ANO1: variants seen among roughly 807,000 people sequenced by gnomAD.
ANO1 encodes the protein anoctamin 1, also known as anoctamin-1.
Under a neutral mutation model 124.0 loss-of-function variants are expected in ANO1, and 59 were observed. That is an observed-to-expected ratio of 0.48 (90% CI 0.39 to 0.59). ANO1 has a LOEUF of 0.59. Ranked by LOEUF, ANO1 falls within the 20% of genes least tolerant of loss-of-function variation. The probability of loss-of-function intolerance (pLI) is 0.00; values close to 1 mark genes in which losing one functional copy is unlikely to be tolerated. For synonymous variants in ANO1, 529 were observed against 532.0 expected, an observed-to-expected ratio of 0.99 and a Z score of 0.08; for missense variants, 1,059 against 1,328.0, an observed-to-expected ratio of 0.80 and a Z score of 3.15.
At chr11:70,112,156 T>C (rs557572426) in intron 7 of ANO1, among the ~76,000 whole-genome samples, 2 of 152,336 alleles carry the variant, frequency 1.3e-5, no homozygotes, top group African/African-American at 4.8e-5. Context: ...GCCAGCTTCC[T>C]GAGCTGAATC....
intron 1 of ANO1, among the ~76,000 whole-genome samples, chr11:70,019,913 A>G (rs1488609817): frequency 1.3e-5 from 2 of 152,218 alleles, no homozygotes; most frequent in Non-Finnish European, 2.9e-5. Flanking sequence ...AGCCAGCCCC[A>G]GGCTGAGGCC....
chr11:69,993,849 T>A (rs2120319150), intron 1 of ANO1, among the ~76,000 whole-genome samples: 1 of 152,342 alleles, frequency 6.6e-6, no homozygotes, highest in African/African-American at 2.4e-5. Flanking sequence ...CTGGCCTCAC[T>A]GGCCTTCCTA....
Position 70,103,383 on chromosome 11 carries a change from C to CACCCCAGACCAAGACCAGA in ANO1, c.540+219_540+220insACCCCAGACCAAGACCAGA, listed in dbSNP as rs2045356571. Among the ~76,000 whole-genome samples, 4 of 152,022 alleles carry CACCCCAGACCAAGACCAGA rather than the reference C, an allele frequency of 2.6e-5. No individual in the cohort carries two copies. The South Asian group carries it at 8.3e-4, about 32-fold the overall frequency. On this transcript the variant is annotated intron_variant, in intron 3 of 25. Transcript: ENST00000355303. ...TGAATATGACCCAACCCTGGGTGAT[C>CACCCCAGACCAAGACCAGA]TTTAGAGACCCCAGACCAAACCCCA...
rs528721868 is a variant in ANO1 at position 70,066,089 on chromosome 11, T to C, written c.59-12453T>C. Among the ~76,000 whole-genome samples the C allele has an allele frequency of 1.1e-4, 17 of 152,322 alleles. No homozygotes were observed. In the East Asian group the frequency reaches 3.3e-3, roughly 29 times the overall value. On this transcript the variant is annotated intron_variant, in intron 1 of 27. Coordinates refer to the ANO1 transcript ENST00000531349. Reference sequence around the variant, plus strand: ...GCAGGGACTTGTTTGCATTGTTTATTCCGTGACCCAGCCCCGGTTCTGTGT... The same window carrying C: ...GCAGGGACTTGTTTGCATTGTTTATCCCGTGACCCAGCCCCGGTTCTGTGT...
chr11:70,032,282 G>A (rs1026596542), intron 1 of ANO1, among the ~76,000 whole-genome samples: 5 of 152,180 alleles, frequency 3.3e-5, no homozygotes, highest in Non-Finnish European at 7.3e-5. Context: ...CGGACTGCAG[G>A]CCCAGGGCTG....
At chr11:70,100,150 C>T (rs868666353) in intron 2 of ANO1, among the ~76,000 whole-genome samples, 10 of 152,154 alleles carry the variant, frequency 6.6e-5, no homozygotes, top group African/African-American at 1.7e-4. Context: ...CTCCTGGGTC[C>T]GTGCTCCTGC....
intron 2 of ANO1, among the ~76,000 whole-genome samples, chr11:70,102,048 A>G (rs1047810899): frequency 3.9e-5 from 6 of 152,206 alleles, no homozygotes; most frequent in African/African-American, 1.4e-4. Flanking sequence ...ATGGGGAAAT[A>G]CGTTGTGGCT....
rs570844488 is a variant in ANO1 at position 70,126,169 on chromosome 11, C to T, written c.1071C>T (p.Cys357=). ...IVGIIVFLYG[C]ATMDENIPSM... is the part of the protein sequence containing the mutation. ...GAATCATTGTCTTCCTGTACGGATG[C>T]GCCACCATGGATGAAAACATCCCCA... Residue 357 remains cysteine, a synonymous_variant, in exon 10 of 26, where the codon TGC becomes TGT. Coordinates refer to ENST00000355303, the MANE Select transcript of ANO1 (RefSeq NM_018043.7). 5 of 1,613,164 alleles carry T rather than the reference C, an allele frequency of 3.1e-6. No homozygotes were observed. The highest frequency in any genetic ancestry group is 2.2e-5 in the East Asian group (1 of 44,838).
At chr11:70,032,781 G>A (rs958633389) in intron 1 of ANO1, among the ~76,000 whole-genome samples, 1 of 152,092 alleles carries the variant, frequency 6.6e-6, no homozygotes, top group Non-Finnish European at 1.5e-5. Flanking sequence ...GGAAGATGAT[G>A]CAGGTTCTTT....
Position 70,088,079 on chromosome 11 carries a change from G to C in ANO1, c.436G>C (p.Glu146Gln). The C allele has an allele frequency of 1.7e-6, 2 of 1,175,648 alleles. No homozygotes were observed. The highest frequency in any genetic ancestry group is 2.1e-6 in the Non-Finnish European group (2 of 932,848). 72.8% of individuals were successfully genotyped at this position (1,175,648 alleles called of 1,614,324 possible). A position where few individuals can be genotyped will look rare whatever the true frequency, so the allele number is the denominator to read the frequency against. The change falls in exon 2 of 26, where the codon GAG (glutamate) becomes CAG (glutamine). Residue 146 changes from glutamate to glutamine, a missense_variant. Physicochemically the swap from Glu to Gln is conservative, Grantham distance 29. Transcript: ENST00000355303. The stretch of plus-strand genomic sequence containing the variant: ...GGCGGGCCTGGAGCTGGAGCGGGAC[G>C]AGGACGTAACTATCTCACTGCGCGC... Reference protein sequence around the residue: ...LEAGLELERDEDTKIHGVGFV... With the variant: ...LEAGLELERDQDTKIHGVGFV...
chr11:70,062,141 A>G (rs1315260043), intron 1 of ANO1, among the ~76,000 whole-genome samples: 1 of 129,272 alleles, frequency 7.7e-6, no homozygotes, highest in Non-Finnish European at 1.5e-5. Context: ...CAATGGTGCA[A>G]TCTTGGCTCA....
At chr11:70,105,829 T>TG in intron 5 of ANO1, 41 bp downstream of exon 5, 1 of 1,597,080 alleles carries the variant, frequency 6.3e-7, no homozygotes, top group Non-Finnish European at 8.6e-7. Context: ...ACTGGCAAGA[T>TG]GGCCCTGGGG....
At chr11:70,051,283 A>G (rs1389557336) in intron 1 of ANO1, among the ~76,000 whole-genome samples, 2 of 152,238 alleles carry the variant, frequency 1.3e-5, no homozygotes, top group Non-Finnish European at 2.9e-5. Context: ...ATTCTTCAAC[A>G]TAGTTACATG....
chr11:70,156,373 C>A (rs138307578), intron 15 of ANO1, among the ~76,000 whole-genome samples: 83 of 152,346 alleles, frequency 5.4e-4, no homozygotes, highest in African/African-American at 1.9e-3. Context: ...AATCCACCCC[C>A]ATTTGAAACA....
intron 1 of ANO1, among the ~76,000 whole-genome samples, chr11:70,050,219 C>A (rs1402669676): frequency 6.6e-6 from 1 of 152,186 alleles, no homozygotes; most frequent in East Asian, 1.9e-4. Context: ...ACTAGCCAAA[C>A]CCTGAAATCC....
At chr11:70,152,600 C>A in intron 13 of ANO1, 139 bp downstream of exon 13, 1 of 1,011,928 alleles carries the variant, frequency 9.9e-7, no homozygotes, top group South Asian at 1.4e-5. Context: ...TTTCTCCCCA[C>A]CTCCGGTCTC....
chr11:70,161,591 A>C (rs765269869), intron 17 of ANO1, 31 bp from the exon 18 acceptor site: 1 of 1,607,578 alleles, frequency 6.2e-7, no homozygotes, highest in African/African-American at 1.3e-5. Flanking sequence ...TCCCAGCCAC[A>C]GCCTCAGTAT....
At chr11:70,114,616 C>T (rs1237142017) in intron 7 of ANO1, among the ~76,000 whole-genome samples, 2 of 152,150 alleles carry the variant, frequency 1.3e-5, no homozygotes, top group Admixed American at 6.5e-5. Context: ...AATATCTGGT[C>T]GGTTGGGCAC....
At position 70,126,743 on chromosome 11, in the gene ANO1, G is replaced by A. The variant is rs140988221; in HGVS notation, c.1097+548G>A. Among the ~76,000 whole-genome samples the A allele has an allele frequency of 3.9e-3, 592 of 151,844 alleles. 1 individual carries two copies. The highest frequency in any genetic ancestry group is 0.012 in the African/African-American group (515 of 41,396). On this transcript the variant is annotated intron_variant, in intron 10 of 25. Coordinates refer to ENST00000355303, the MANE Select transcript of ANO1 (RefSeq NM_018043.7). ...GTGCAGGCTGGTGCTTGCGGGAGGT[G>A]AGCGTGAATGCCAGACTTCGGTGCA...
Sources: allele counts gnomAD v4.1 joint callset (sites outside exome capture counted in the v4.1 genomes callset), GRCh38; gene constraint gnomAD v4.1.1; transcripts MANE v1.5; gene names NCBI Gene and HGNC (gene_info 2026-07-23, HGNC 2026-07-21).